Variants in MAPKAP1 observed in about 807,000 individuals in gnomAD.
MAPKAP1 encodes MAPK associated protein 1, also known as target of rapamycin complex 2 subunit MAPKAP1.
Under a neutral mutation model 65.7 loss-of-function variants are expected in MAPKAP1, and 20 were observed. That is an observed-to-expected ratio of 0.30 (90% CI 0.21 to 0.44). The LOEUF is 0.44. MAPKAP1 is among the 20% of genes least tolerant of loss of function. The pLI is 1.00. For synonymous variants in MAPKAP1, 222 were observed against 244.3 expected (o/e 0.91, Z 0.85); for missense variants, 423 against 648.0 (o/e 0.65, Z 3.77).
intron 4 of MAPKAP1, among the ~76,000 whole-genome samples, chr9:125,638,082 A>T (rs1833477316): frequency 6.6e-6 from 1 of 152,160 alleles, no homozygotes; most frequent in Non-Finnish European, 1.5e-5. Flanking sequence ...GGTAATGGGT[A>T]CTTAATGGTT....
intron 4 of MAPKAP1, among the ~76,000 whole-genome samples, chr9:125,655,646 T>C (rs1340913106): frequency 1.3e-5 from 2 of 152,210 alleles, no homozygotes; most frequent in Non-Finnish European, 2.9e-5. Context: ...GCCATTTTCA[T>C]TACATATCTG....
At chr9:125,597,131 G>A (rs1351433181) in intron 4 of MAPKAP1, among the ~76,000 whole-genome samples, 1 of 151,870 alleles carries the variant, frequency 6.6e-6, no homozygotes, top group Non-Finnish European at 1.5e-5. Context: ...CGGGCGTGGT[G>A]GTGGGCGCCT....
At chr9:125,632,225 GAA>G (rs57409863) in intron 4 of MAPKAP1, among the ~76,000 whole-genome samples, 4 of 143,346 alleles carry the variant, frequency 2.8e-5, no homozygotes, top group Non-Finnish European at 3.0e-5. Context: ...CCGTCTCAAA[GAA>G]AAAAAAAAAA....
intron 4 of MAPKAP1, among the ~76,000 whole-genome samples, chr9:125,626,768 T>C (rs1346256898): frequency 6.6e-6 from 1 of 152,238 alleles, no homozygotes; most frequent in Non-Finnish European, 1.5e-5. Context: ...ATTTTTCTGA[T>C]TTATTCATCT....
intron 3 of MAPKAP1, among the ~76,000 whole-genome samples, chr9:125,665,732 T>C (rs557086931): frequency 2.0e-5 from 3 of 152,314 alleles, no homozygotes; most frequent in East Asian, 1.9e-4. Context: ...GTATAGGGAA[T>C]GTTATTATAA....
intron 1 of MAPKAP1, among the ~76,000 whole-genome samples, chr9:125,698,289 ATAT>A (rs1333904633): frequency 7.6e-4 from 59 of 77,804 alleles, no homozygotes; most frequent in African/African-American, 2.5e-3. Flanking sequence ...ATATATATAA[ATAT>A]ATATATATAT....
intron 7 of MAPKAP1, among the ~76,000 whole-genome samples, chr9:125,518,543 A>AGCTG (rs1187502349): frequency 6.6e-6 from 1 of 151,824 alleles, no homozygotes; most frequent in East Asian, 1.9e-4. Context: ...GATGGTGTGG[A>AGCTG]GCTGTAGTGT....
At position 125,612,506 on chromosome 9, in the gene MAPKAP1, T is replaced by C. The variant is rs193029390; in HGVS notation, c.499-26779A>G. 7.2e-5 allele frequency among the ~76,000 whole-genome samples: 11 copies of C among 152,360 alleles called. No homozygotes were observed. The East Asian group carries it at 2.1e-3, about 29-fold the overall frequency. ...CTTATCTACTAACAATCAGTTGTTG[T>C]AGAACCACAATAAACTGAGTTCCTA... On this transcript the variant is annotated intron_variant, in intron 4 of 11. Transcript: ENST00000265960.
intron 4 of MAPKAP1, among the ~76,000 whole-genome samples, chr9:125,619,494 G>GT (rs1484492672): frequency 6.6e-6 from 1 of 151,518 alleles, no homozygotes; most frequent in Admixed American, 6.6e-5. Flanking sequence ...AAAAAACTGC[G>GT]TTTTATTCTG....
chr9:125,585,838 C>T (rs937163375), intron 4 of MAPKAP1, 111 bp from the exon 5 acceptor site: 5 of 999,330 alleles, frequency 5.0e-6, no homozygotes, highest in Admixed American at 4.9e-5. Context: ...CTCTACAGAC[C>T]TACTGTGACC....
chr9:125,584,812 G>A (rs565404955), intron 5 of MAPKAP1, among the ~76,000 whole-genome samples: 2 of 152,280 alleles, frequency 1.3e-5, no homozygotes, highest in Non-Finnish European at 2.9e-5. Context: ...AAAACTAGAA[G>A]AGAATGCCTG....
At chr9:125,589,776 A>G (rs770497072) in intron 4 of MAPKAP1, among the ~76,000 whole-genome samples, 2 of 151,708 alleles carry the variant, frequency 1.3e-5, no homozygotes, top group Non-Finnish European at 2.9e-5. Context: ...TTACAAAGCA[A>G]CTACCAAAAA....
At chr9:125,476,765 A>C (rs1854125632) in intron 9 of MAPKAP1, among the ~76,000 whole-genome samples, 1 of 152,216 alleles carries the variant, frequency 6.6e-6, no homozygotes, top group African/African-American at 2.4e-5. Context: ...GTTATTGACT[A>C]GTGGGTTAAA....
At chr9:125,491,459 G>A (rs988842969) in intron 8 of MAPKAP1, among the ~76,000 whole-genome samples, 2 of 151,722 alleles carry the variant, frequency 1.3e-5, no homozygotes, top group South Asian at 4.2e-4. Context: ...TTTTTTTAAA[G>A]AAATTATAGT....
intron 1 of MAPKAP1, among the ~76,000 whole-genome samples, chr9:125,679,960 T>A (rs1265093559): frequency 1.3e-5 from 2 of 152,238 alleles, no homozygotes; most frequent in Non-Finnish European, 2.9e-5. Context: ...ATATAAATGC[T>A]GGCATGTTAA....
chr9:125,533,692 G>A (rs537923174), intron 7 of MAPKAP1, among the ~76,000 whole-genome samples: 4 of 152,196 alleles, frequency 2.6e-5, no homozygotes, highest in South Asian at 4.1e-4. Context: ...CAGGTGATCC[G>A]TCTGCCTTAG....
At chr9:125,552,520 CAG>C (rs1344386187) in intron 6 of MAPKAP1, among the ~76,000 whole-genome samples, 2 of 152,128 alleles carry the variant, frequency 1.3e-5, no homozygotes, top group African/African-American at 4.8e-5. Context: ...TATGCAGAAA[CAG>C]ATCTATTTCC....
At chr9:125,480,443 A>G (rs1854265990) in intron 9 of MAPKAP1, among the ~76,000 whole-genome samples, 1 of 152,146 alleles carries the variant, frequency 6.6e-6, no homozygotes, top group South Asian at 2.1e-4. Flanking sequence ...GTGACGCCCC[A>G]GCCTCCAGTC....
At chr9:125,698,695 C>T (rs931479184) in intron 1 of MAPKAP1, among the ~76,000 whole-genome samples, 1 of 152,120 alleles carries the variant, frequency 6.6e-6, no homozygotes, top group South Asian at 2.1e-4. Flanking sequence ...GCTTCAGTTT[C>T]GGCATTTGTA....
Sources: gnomAD v4.1 joint callset for allele counts (sites outside exome capture counted in the v4.1 genomes callset) on GRCh38, gnomAD v4.1.1 for gene constraint, MANE v1.5 for transcripts, NCBI Gene and HGNC (gene_info 2026-07-23, HGNC 2026-07-21) for gene names.